AOPEP: variants seen among roughly 807,000 people sequenced by gnomAD.
AOPEP encodes aminopeptidase O.
AOPEP carries 77 observed loss-of-function variants against 98.1 expected under a neutral mutation model. The observed-to-expected ratio is 0.78, with a 90% CI of 0.65 to 0.95. The LOEUF is 0.95. Ranked by LOEUF, AOPEP falls within the 40% of genes least tolerant of loss-of-function variation. AOPEP has a pLI of 0.00. For missense variants in AOPEP, 1,024 were observed against 1,024.7 expected (o/e 1.00, Z 0.01); for synonymous variants, 346 against 365.3 (o/e 0.95, Z 0.60).
chr9:94,989,609 C>CTTTTTT (rs71498953), intron 11 of AOPEP, among the ~76,000 whole-genome samples: 1 of 123,950 alleles, frequency 8.1e-6, no homozygotes, highest in Admixed American at 8.1e-5. Flanking sequence ...GTAACCCAAA[C>CTTTTTT]TTTTTTTTTT....
chr9:94,735,015 C>A (rs1414287178), intron 1 of AOPEP, among the ~76,000 whole-genome samples: 1 of 152,100 alleles, frequency 6.6e-6, no homozygotes, highest in African/African-American at 2.4e-5. Flanking sequence ...TTCACTTTGC[C>A]TCTTTTTTCG....
chr9:94,801,692 G>C (rs1319626850), intron 5 of AOPEP, among the ~76,000 whole-genome samples: 1 of 152,144 alleles, frequency 6.6e-6, no homozygotes, highest in Non-Finnish European at 1.5e-5. Flanking sequence ...TCATTAATGG[G>C]TATCTGTGTT....
chr9:95,026,644 G>A (rs1236321549), intron 13 of AOPEP, among the ~76,000 whole-genome samples: 1 of 152,214 alleles, frequency 6.6e-6, no homozygotes, highest in Non-Finnish European at 1.5e-5. Context: ...TAATGCTGCA[G>A]TAAGTACAGA....
At chr9:94,982,976 C>T (rs2060283196) in intron 11 of AOPEP, among the ~76,000 whole-genome samples, 2 of 152,240 alleles carry the variant, frequency 1.3e-5, no homozygotes, top group Non-Finnish European at 1.5e-5. Flanking sequence ...TTCTTCTACA[C>T]TCCTTATTTT....
intron 5 of AOPEP, chr9:94,824,264 C>T (rs72746566): frequency 0.044 from 6,731 of 152,318 alleles, 212 homozygotes; most frequent in Non-Finnish European, 0.068. Context: ...AGTTTTGCTT[C>T]TCTCTAGTTC....
chr9:94,984,461 G>A (rs1052128975), intron 11 of AOPEP, among the ~76,000 whole-genome samples: 2 of 152,134 alleles, frequency 1.3e-5, no homozygotes, highest in Non-Finnish European at 2.9e-5. Context: ...TATAAATAGA[G>A]ACCAAACATT....
At chr9:95,040,920 C>CA (rs3052092) in intron 13 of AOPEP, among the ~76,000 whole-genome samples, 1 of 151,960 alleles carries the variant, frequency 6.6e-6, no homozygotes, top group South Asian at 2.1e-4. Context: ...TAAACAGTCT[C>CA]CCTTCCTCAA....
intron 4 of AOPEP, among the ~76,000 whole-genome samples, chr9:94,799,208 C>T (rs1196298014): frequency 6.6e-6 from 1 of 152,216 alleles, no homozygotes; most frequent in African/African-American, 2.4e-5. Context: ...CATATTGGGA[C>T]ATGCCAGCAT....
In AOPEP at chr9:95,012,699, C is replaced by T. The variant is rs764051800; in HGVS notation, c.2115+7083C>T. Among the ~76,000 whole-genome samples the T allele has an allele frequency of 8.9e-4, 135 of 151,930 alleles. 2 individuals are homozygous for T. The highest frequency in any genetic ancestry group is 2.1e-4 in the South Asian group (1 of 4,812). ...TATCGAGTCTAGCCAACATATATTT[C>T]CTTCTGGAAATATATGTTCAGGGTC... On this transcript the variant is annotated intron_variant, in intron 13 of 16. Coordinates refer to ENST00000375315, the MANE Select transcript of AOPEP (RefSeq NM_001193329.3).
intron 5 of AOPEP, among the ~76,000 whole-genome samples, chr9:94,909,216 T>C (rs2051623553): frequency 6.6e-6 from 1 of 152,090 alleles, no homozygotes. Context: ...TCATATACTG[T>C]AGTGTTTGCA....
chr9:95,141,397 A>G, the AOPEP span, among the ~76,000 whole-genome samples: 2 of 146,928 alleles, frequency 1.4e-5, no homozygotes, highest in African/African-American at 5.0e-5. Context: ...TAGAAATGGG[A>G]GTTTTAGTTA....
At position 94,995,797 on chromosome 9, in the gene AOPEP, T is replaced by A. The variant is rs1436114663; in HGVS notation, c.1978-9361T>A. 2.0e-5 allele frequency among the ~76,000 whole-genome samples: 3 copies of A among 152,244 alleles called. No individual in the cohort carries two copies. The East Asian group carries it at 5.8e-4, about 29-fold the overall frequency. On this transcript the variant is annotated intron_variant, in intron 11 of 16. Coordinates refer to ENST00000375315, the MANE Select transcript of AOPEP (RefSeq NM_001193329.3). Reference sequence around the variant, plus strand: ...ATTAACTGGGTGGTAGGTTCTTAAATCCTGCATATTAGGAGGTGTCTAATA... The same window carrying A: ...ATTAACTGGGTGGTAGGTTCTTAAAACCTGCATATTAGGAGGTGTCTAATA...
intron 2 of AOPEP, among the ~76,000 whole-genome samples, chr9:94,769,016 C>T (rs1274636669): frequency 1.3e-5 from 2 of 152,210 alleles, no homozygotes; most frequent in African/African-American, 4.8e-5. Context: ...GATTTTCCTG[C>T]CTTCTGTGGA....
At chr9:95,091,601 G>T (rs770961251), downstream of AOPEP, among the ~76,000 whole-genome samples, 1 of 152,160 alleles carries the variant, frequency 6.6e-6, no homozygotes, top group Non-Finnish European at 1.5e-5. Flanking sequence ...CAGCACCCGC[G>T]GGACAGTGAC....
chr9:95,014,287 C>T (rs945952184), intron 13 of AOPEP, among the ~76,000 whole-genome samples: 4 of 151,610 alleles, frequency 2.6e-5, no homozygotes, highest in Non-Finnish European at 5.9e-5. Flanking sequence ...GGCAACATAG[C>T]GAGATCCCAT....
intron 9 of AOPEP, among the ~76,000 whole-genome samples, chr9:94,963,215 T>C (rs556373633): frequency 1.2e-4 from 19 of 152,302 alleles, no homozygotes; most frequent in African/African-American, 3.8e-4. Context: ...ATGATAATTA[T>C]TCATAAAATA....
rs1411044399 is a variant in AOPEP, at chr9:95,034,195, GT to G, written c.2116-26493del. Among the ~76,000 whole-genome samples the G allele has an allele frequency of 2.0e-5, 3 of 152,146 alleles. No individual in the cohort carries two copies. In the East Asian group the frequency reaches 5.8e-4, roughly 29 times the overall value. On this transcript the variant is annotated intron_variant, in intron 13 of 16. Coordinates refer to ENST00000375315, the MANE Select transcript of AOPEP (RefSeq NM_001193329.3). ...ATATTTGAGACATAGTGATATTATT[GT>G]TTTTTGCTTGAAGCCAAGATGTAGG...
chr9:95,085,296 G>A (rs1387263741), intron 16 of AOPEP: 4 of 482,374 alleles, frequency 8.3e-6, no homozygotes, highest in Admixed American at 2.2e-5. Flanking sequence ...ACGCAACCAC[G>A]ACCTTGGCTG....
chr9:95,042,041 G>A (rs992458924), intron 13 of AOPEP, among the ~76,000 whole-genome samples: 8 of 152,144 alleles, frequency 5.3e-5, no homozygotes, highest in African/African-American at 1.7e-4. Flanking sequence ...GGCCAGGCGC[G>A]GTGGCTCATG....
Sources: allele counts gnomAD v4.1 joint callset (sites outside exome capture counted in the v4.1 genomes callset), GRCh38; gene constraint gnomAD v4.1.1; transcripts MANE v1.5; gene names NCBI Gene and HGNC (gene_info 2026-07-23, HGNC 2026-07-21).